SHC2: variants seen among roughly 807,000 people sequenced by gnomAD.
SHC2 encodes the protein SHC adaptor protein 2, also known as SHC-transforming protein 2.
In SHC2, 62 loss-of-function variants were observed where a neutral mutation model predicts 60.6. The ratio of observed to expected loss-of-function variants is 1.02; its 90% CI spans 0.83 to 1.26. SHC2 has a LOEUF of 1.26. Ranked by LOEUF, SHC2 falls within the 50% of genes most tolerant of loss-of-function variation. The probability of loss-of-function intolerance (pLI) is 0.00; values close to 1 mark genes in which losing one functional copy is unlikely to be tolerated. For synonymous variants in SHC2, 375 were observed against 372.4 expected, an observed-to-expected ratio of 1.01 and a Z score of -0.08; for missense variants, 873 against 822.2, an observed-to-expected ratio of 1.06 and a Z score of -0.76.
chr19:425,387 G>A lies in SHC2; in HGVS notation c.1175-156C>T, dbSNP rs572963965. ...CTGGTCTCCCTGTGGTAACCCGCCC[G>A]TCTGCAGGTGCCACAGGGAGCATCT... On this transcript the variant is annotated intron_variant, in intron 9 of 12. Transcript: ENST00000264554. This position sits in a 1 kb window ranked among gnomAD's most constrained non-coding sequence, Gnocchi z 4.1. Among the ~76,000 whole-genome samples, 25 of 152,310 alleles carry A rather than the reference G, an allele frequency of 1.6e-4. 1 individual carries two copies. In the East Asian group the frequency reaches 2.5e-3, roughly 15 times the overall value.
At position 445,699 on chromosome 19, in the gene SHC2, C is replaced by T. The variant is rs572415108; in HGVS notation, c.469-4767G>A. 4.4e-4 allele frequency among the ~76,000 whole-genome samples: 67 copies of T among 152,150 alleles called. 1 individual carries two copies. The highest frequency in any genetic ancestry group is 1.5e-3 in the African/African-American group (63 of 41,510). On this transcript the variant is annotated intron_variant, in intron 1 of 12. Transcript: ENST00000264554. The surrounding 1 kb of genome is among the most constrained non-coding windows in gnomAD (Gnocchi z 4.4). The stretch of plus-strand genomic sequence containing the variant: ...GCTGCAGTGATCTGTGATGGCACCA[C>T]GGCACTCCAGCCTGGGCAACAGAGC...
At chr19:420,388 G>T (rs903324573) in intron 11 of SHC2, among the ~76,000 whole-genome samples, 1 of 152,216 alleles carries the variant, frequency 6.6e-6, no homozygotes, top group African/African-American at 2.4e-5. Flanking sequence ...AGCCACCTGA[G>T]GATTCAGCTG....
At position 422,256 on chromosome 19, in the gene SHC2, C is replaced by A. The variant is rs768095487; in HGVS notation, c.1510G>T (p.Asp504Tyr). 85 of 1,612,320 alleles carry A rather than the reference C, an allele frequency of 5.3e-5. No individual in the cohort carries two copies. Among genetic ancestry groups the A allele is most frequent in the Admixed American group, 1.0e-4 (6 of 59,950 alleles). Residue 504 changes from aspartate to tyrosine, a missense_variant, in exon 11 of 13, where the codon GAC (aspartate) becomes TAC (tyrosine). Physicochemically the swap from Asp to Tyr is radical, Grantham distance 160. Transcript: ENST00000264554. This position sits in a 1 kb window ranked among gnomAD's most constrained non-coding sequence, Gnocchi z 5.0. Reference protein sequence around the residue: ...RRAAERMLRADGDFLVRDSVT... With the variant: ...RRAAERMLRAYGDFLVRDSVT... ...CTGTCTCGCACAAGGAAGTCCCCGTCAGCTCGAAGCATCCTCTCTGCCGCC... is the reference window on the plus strand; with the variant it reads ...CTGTCTCGCACAAGGAAGTCCCCGTAAGCTCGAAGCATCCTCTCTGCCGCC...
rs1301626545 is a variant in SHC2 at position 453,736 on chromosome 19, C to T, written c.468+6793G>A. ...CTCCCAGCTTAAGGGACCCGCGATG[C>T]AGGAAGGATGAAGTGTCATTTTGCC... On this transcript the variant is annotated intron_variant, in intron 1 of 12. Transcript: ENST00000264554. This position sits in a 1 kb window ranked among gnomAD's most constrained non-coding sequence, Gnocchi z 6.3. Among the ~76,000 whole-genome samples, 1 of 152,188 alleles carries T rather than the reference C, an allele frequency of 6.6e-6. No individual in the cohort carries two copies. The highest frequency in any genetic ancestry group is 1.5e-5 in the Non-Finnish European group (1 of 68,032).
chr19:422,088 CCT>C lies in SHC2; in HGVS notation c.1620+56_1620+57del, dbSNP rs1327425081. 1.1e-4 allele frequency: 128 copies of C among 1,163,326 alleles called. 2 individuals carry two copies. The highest frequency in any genetic ancestry group is 1.8e-4 in the African/African-American group (11 of 62,502). 72.1% of individuals were successfully genotyped at this position (1,163,326 alleles called of 1,614,324 possible). On this transcript the variant is annotated intron_variant, in intron 11 of 12. Transcript: ENST00000264554. This position sits in a 1 kb window ranked among gnomAD's most constrained non-coding sequence, Gnocchi z 5.0. ...CCCTGGATGCCCCGAGACCCTCCCACCTGTGCCCAGCGAAGCCCCTGGATGCC... is the reference window on the plus strand; with the variant it reads ...CCCTGGATGCCCCGAGACCCTCCCACGTGCCCAGCGAAGCCCCTGGATGCC...
chr19:434,838 C>T lies in SHC2; in HGVS notation c.981G>A (p.Trp327Ter), dbSNP rs532732139. Residue 327 changes from tryptophan to a stop codon, truncating the protein, a stop_gained, in exon 8 of 13, where the codon TGG (tryptophan) becomes TGA (stop). Transcript: ENST00000264554. LOFTEE classifies it high-confidence loss of function. The part of the protein sequence containing the change: ...ERLAGPEESA[W>*]GDEEDSLEHN... Reference sequence around the variant, plus strand: ...GCTCCAAAGAGTCCTCCTCGTCCCCCCAGGCCGACTCCTCCGGCCCTGCCA... The same window carrying T: ...GCTCCAAAGAGTCCTCCTCGTCCCCTCAGGCCGACTCCTCCGGCCCTGCCA... The T allele has an allele frequency of 6.2e-7, 1 of 1,612,056 alleles. No individual in the cohort carries two copies.
intron 4 of SHC2, 93 bp from the exon 5 acceptor site, chr19:436,776 CA>C: frequency 3.2e-6 from 4 of 1,232,736 alleles, no homozygotes; most frequent in East Asian, 2.5e-5. Flanking sequence ...AAGAGTGGGG[CA>C]GGGGCAGGGA....
intron 10 of SHC2, among the ~76,000 whole-genome samples, chr19:423,778 C>T (rs1271414004): frequency 1.3e-5 from 2 of 152,222 alleles, no homozygotes; most frequent in East Asian, 1.9e-4. Flanking sequence ...GGGACGAGCA[C>T]GTGGCGAATC....
chr19:449,130 T>C (rs1975116643), intron 1 of SHC2, among the ~76,000 whole-genome samples: 1 of 152,150 alleles, frequency 6.6e-6, no homozygotes, highest in Admixed American at 6.6e-5. Context: ...ATGGTGCCAC[T>C]GCACTCCAGC....
In SHC2 at chr19:424,487, C is replaced by T. The variant is rs1974359114; in HGVS notation, c.1309+610G>A. On this transcript the variant is annotated intron_variant, in intron 10 of 12. Transcript: ENST00000264554. The surrounding 1 kb of genome is among the most constrained non-coding windows in gnomAD (Gnocchi z 4.5). ...CAGCGTGCAAGACCAGCGGGCCAGG[C>T]AGTCGTCCCAGCAGGCCGGGATTCC... 6.6e-6 allele frequency among the ~76,000 whole-genome samples: 1 copy of T among 152,112 alleles called. No individual in the cohort carries two copies. The highest frequency in any genetic ancestry group is 1.5e-5 in the Non-Finnish European group (1 of 67,998).
Position 436,622 on chromosome 19 carries a change from G to A in SHC2, c.774+8C>T, listed in dbSNP as rs553780188. ...GGGCTGCAGGTCCACCCCCATCCCTGGCCTCACCGTGTCTCCGCCTGACGC... is the reference window on the plus strand; with the variant it reads ...GGGCTGCAGGTCCACCCCCATCCCTAGCCTCACCGTGTCTCCGCCTGACGC... On this transcript the variant is annotated splice_region_variant and intron_variant, in intron 5 of 12. Transcript: ENST00000264554. 6.2e-7 allele frequency: 1 copy of A among 1,603,774 alleles called. No homozygotes were observed. The highest frequency in any genetic ancestry group is 1.1e-5 in the South Asian group (1 of 89,948).
At chr19:443,686 A>ATGGG (rs1174217952) in intron 1 of SHC2, among the ~76,000 whole-genome samples, 1 of 126,688 alleles carries the variant, frequency 7.9e-6, no homozygotes, top group Non-Finnish European at 1.7e-5. Context: ...GGATGGATGG[A>ATGGG]TGGGTGGGTG....
rs1015456001 is a variant in SHC2, at chr19:453,922, T to A, written c.468+6607A>T. ...CGGCCTGACTCACGGGACTTCTGTGTATGGACGAGCCCAGCGCCAAAATGG... is the reference window on the plus strand; with the variant it reads ...CGGCCTGACTCACGGGACTTCTGTGAATGGACGAGCCCAGCGCCAAAATGG... On this transcript the variant is annotated intron_variant, in intron 1 of 12. Coordinates refer to ENST00000264554, the MANE Select transcript of SHC2 (RefSeq NM_012435.3). This position sits in a 1 kb window ranked among gnomAD's most constrained non-coding sequence, Gnocchi z 6.3. 2.0e-5 allele frequency among the ~76,000 whole-genome samples: 3 copies of A among 152,190 alleles called. No individual in the cohort carries two copies. Among genetic ancestry groups the A allele is most frequent in the African/African-American group, 7.2e-5 (3 of 41,438 alleles).
At chr19:427,171 A>C (rs1974436628) in intron 9 of SHC2, among the ~76,000 whole-genome samples, 1 of 152,212 alleles carries the variant, frequency 6.6e-6, no homozygotes, top group African/African-American at 2.4e-5. Flanking sequence ...GCGAAATGCC[A>C]GATTGTTTGG....
In SHC2 at chr19:438,948, A is replaced by T. The variant is rs1227371401; in HGVS notation, c.600+22T>A. 1 of 1,590,370 alleles carries T rather than the reference A, an allele frequency of 6.3e-7. No homozygotes were observed. Among genetic ancestry groups the T allele is most frequent in the East Asian group, 2.3e-5 (1 of 43,780 alleles). ...CCCCGACTGCCCCACCAGCCCCACG[A>T]GAGACCACAAGCCTCACTCACCTTT... On this transcript the variant is annotated intron_variant, in intron 3 of 12. Coordinates refer to ENST00000264554, the MANE Select transcript of SHC2 (RefSeq NM_012435.3). This position sits in a 1 kb window ranked among gnomAD's most constrained non-coding sequence, Gnocchi z 5.0.
intron 11 of SHC2, chr19:419,368 C>A: frequency 6.4e-6 from 2 of 314,920 alleles, no homozygotes; most frequent in Non-Finnish European, 1.2e-5. Flanking sequence ...GGAAAAAGGT[C>A]TTGGTAGATA....
rs1175262117 is a variant in SHC2, at chr19:422,210, T to C, written c.1556A>G (p.Tyr519Cys). Residue 519 changes from tyrosine (Y) to cysteine (C), a missense_variant, in exon 11 of 13, where the codon TAT becomes TGT. Physicochemically the swap from Tyr to Cys is radical, Grantham distance 194. Transcript: ENST00000264554. The surrounding 1 kb of genome is among the most constrained non-coding windows in gnomAD (Gnocchi z 5.0). The stretch of plus-strand genomic sequence containing the variant: ...CCCGGCGTGCATGCCGGTGAGGACA[T>C]ACTGCCCGGGGTTGGTGACGCTGTC... ...VRDSVTNPGQ[Y>C]VLTGMHAGQP... The C allele has an allele frequency of 1.9e-6, 3 of 1,612,548 alleles. No individual in the cohort carries two copies. The highest frequency in any genetic ancestry group is 2.5e-6 in the Non-Finnish European group (3 of 1,179,714).
chr19:439,720 T>C (rs912647346), intron 2 of SHC2, among the ~76,000 whole-genome samples: 10 of 152,056 alleles, frequency 6.6e-5, no homozygotes, highest in Non-Finnish European at 1.3e-4. Flanking sequence ...ATCCTAGCAC[T>C]GTGGGCCTGA....
rs983169961 is a variant in SHC2 at position 454,299 on chromosome 19, G to A, written c.468+6230C>T. Among the ~76,000 whole-genome samples the A allele has an allele frequency of 6.6e-5, 10 of 152,142 alleles. No homozygotes were observed. In the East Asian group the frequency reaches 9.7e-4, roughly 15 times the overall value. Reference sequence around the variant, plus strand: ...GCCGGGCTGGGCTCATGAGACCCACGGCAAAGTCGGCGGGGGATTCTCAGG... The same window carrying A: ...GCCGGGCTGGGCTCATGAGACCCACAGCAAAGTCGGCGGGGGATTCTCAGG... On this transcript the variant is annotated intron_variant, in intron 1 of 12. Coordinates refer to ENST00000264554, the MANE Select transcript of SHC2 (RefSeq NM_012435.3).
Sources: allele counts gnomAD v4.1 joint callset (sites outside exome capture counted in the v4.1 genomes callset), GRCh38; gene constraint gnomAD v4.1.1; non-coding constraint Gnocchi (gnomAD v3.1); transcripts MANE v1.5; gene names NCBI Gene and HGNC (gene_info 2026-07-23, HGNC 2026-07-21).